Variants in CENPH observed in about 807,000 individuals in gnomAD.
CENPH encodes the protein centromere protein H, also known as CENP-H.
In CENPH, 40 loss-of-function variants were observed where a neutral mutation model predicts 42.9. That is an observed-to-expected ratio of 0.93 (90% CI 0.72 to 1.21). The LOEUF (loss-of-function observed/expected upper bound fraction) is 1.21. Ranked by LOEUF, CENPH falls within the 50% of genes most tolerant of loss-of-function variation. The pLI is 0.00. For missense variants in CENPH, 302 were observed against 292.9 expected, an observed-to-expected ratio of 1.03 and a Z score of -0.23; for synonymous variants, 88 against 96.5, an observed-to-expected ratio of 0.91 and a Z score of 0.52.
At chr5:69,192,914 T>A (rs1747899621) in intron 2 of CENPH, among the ~76,000 whole-genome samples, 1 of 151,978 alleles carries the variant, frequency 6.6e-6, no homozygotes, top group African/African-American at 2.4e-5. Context: ...CTGACCAACG[T>A]AGAGAAACCC....
At chr5:69,208,407 T>C in intron 8 of CENPH, 48 bp downstream of exon 8, 2 of 1,259,006 alleles carry the variant, frequency 1.6e-6, no homozygotes, top group South Asian at 2.7e-5. Context: ...TTGCCCAGGC[T>C]GGAGTGAAGT....
In CENPH at chr5:69,202,381, T is replaced by G. The variant is rs73772322; in HGVS notation, c.372-125T>G. On this transcript the variant is annotated intron_variant, in intron 5 of 8. Coordinates refer to ENST00000283006, the MANE Select transcript of CENPH (RefSeq NM_022909.4). ...TTTATTTTGTTAAACTGACTTTTTATCCAAGTGTACGGTGGATTTAATGAA... is the reference window on the plus strand; with the variant it reads ...TTTATTTTGTTAAACTGACTTTTTAGCCAAGTGTACGGTGGATTTAATGAA... 7,081 of 565,240 alleles carry G rather than the reference T, an allele frequency of 0.013. 443 individuals carry two copies. In the African/African-American group the frequency reaches 0.13, roughly 10 times the overall value. 35.0% of individuals were successfully genotyped at this position (565,240 alleles called of 1,614,324 possible).
chr5:69,200,855 G>T (rs557627343), intron 5 of CENPH, among the ~76,000 whole-genome samples: 1 of 147,046 alleles, frequency 6.8e-6, no homozygotes, highest in African/African-American at 2.5e-5. Context: ...CTCCTGCCTC[G>T]GCCTCCTGAG....
chr5:69,208,650 C>T (rs1287642322), intron 8 of CENPH, among the ~76,000 whole-genome samples: 2 of 152,068 alleles, frequency 1.3e-5, no homozygotes, highest in Non-Finnish European at 2.9e-5. Context: ...TGAGCCACTG[C>T]GCCTGGCCAA....
intron 5 of CENPH, among the ~76,000 whole-genome samples, chr5:69,198,481 G>A (rs1363179493): frequency 1.3e-5 from 2 of 152,006 alleles, no homozygotes; most frequent in African/African-American, 4.8e-5. Flanking sequence ...GTAGAGACGG[G>A]GTTTCACTAT....
chr5:69,203,040 T>C, intron 7 of CENPH, 70 bp downstream of exon 7: 1 of 1,016,628 alleles, frequency 9.8e-7, no homozygotes, highest in Non-Finnish European at 1.5e-6. Context: ...GCCAGATCTC[T>C]TAGCCACTGA....
At position 69,189,765 on chromosome 5, in the gene CENPH, T is replaced by G. The variant is rs1025224684; in HGVS notation, c.131T>G (p.Leu44Arg). The change falls in exon 1 of 9, where the codon CTC becomes CGC. Residue 44 changes from leucine (L) to arginine (R), a missense_variant. Transcript: ENST00000283006. ...AGCGAGGACCGCATGACCCTGCTCC[T>G]CAGGTTGTTCCCTTTGGCCTCCTCA... Reference protein sequence around the residue: ...ACSEDRMTLLLRLRAQTKQQL... With the variant: ...ACSEDRMTLLRRLRAQTKQQL... 6.7e-7 allele frequency: 1 copy of G among 1,495,910 alleles called. No homozygotes were observed. The highest frequency in any genetic ancestry group is 8.9e-7 in the Non-Finnish European group (1 of 1,126,498). 92.7% of individuals were successfully genotyped at this position (1,495,910 alleles called of 1,614,324 possible). A position where few individuals can be genotyped will look rare whatever the true frequency, so the allele number is the denominator to read the frequency against.
chr5:69,204,625 A>T (rs1304833715), intron 7 of CENPH, among the ~76,000 whole-genome samples: 15 of 25,986 alleles, frequency 5.8e-4, no homozygotes, highest in South Asian at 4.7e-3. Context: ...TTTTTTTGTG[A>T]GATGCTGTCT....
intron 5 of CENPH, among the ~76,000 whole-genome samples, chr5:69,198,265 C>T (rs2112086929): frequency 6.6e-6 from 1 of 151,956 alleles, no homozygotes; most frequent in South Asian, 2.1e-4. Flanking sequence ...ATAAAATATC[C>T]CCTTCCCTTG....
At position 69,189,703 on chromosome 5, in the gene CENPH, C is replaced by G. The variant is rs572066418; in HGVS notation, c.69C>G (p.Gly23=). Residue 23 remains glycine, a synonymous_variant, in exon 1 of 9, where the codon GGC becomes GGG. Coordinates refer to ENST00000283006, the MANE Select transcript of CENPH (RefSeq NM_022909.4). ...PADSGGEGRA[G]GPPQVAGAQA... ...ACTCCGGAGGGGAAGGCCGGGCAGG[C>G]GGGCCACCGCAGGTCGCCGGCGCCC... 1 of 1,575,062 alleles carries G rather than the reference C, an allele frequency of 6.3e-7. No individual in the cohort carries two copies. The highest frequency in any genetic ancestry group is 1.1e-5 in the South Asian group (1 of 87,146).
intron 7 of CENPH, among the ~76,000 whole-genome samples, chr5:69,203,539 G>A (rs531853009): frequency 1.3e-5 from 2 of 151,904 alleles, no homozygotes; most frequent in African/African-American, 2.4e-5. Flanking sequence ...GCTAGTTTTC[G>A]TATTTTTTTA....
At chr5:69,191,664 A>T in intron 1 of CENPH, 131 bp from the exon 2 acceptor site, 1 of 599,534 alleles carries the variant, frequency 1.7e-6, no homozygotes, top group Non-Finnish European at 3.0e-6. Flanking sequence ...GTTTGTAATT[A>T]GGAGTTTAAT....
intron 4 of CENPH, among the ~76,000 whole-genome samples, chr5:69,196,629 A>G (rs1289869357): frequency 6.6e-6 from 1 of 152,198 alleles, no homozygotes; most frequent in Admixed American, 6.5e-5. Flanking sequence ...TGTGGGTGAC[A>G]GAGCAAGATT....
intron 5 of CENPH, among the ~76,000 whole-genome samples, chr5:69,202,124 G>C (rs1250054441): frequency 1.3e-5 from 2 of 152,074 alleles, no homozygotes; most frequent in Admixed American, 1.3e-4. Context: ...TGTTAAAATT[G>C]CTCTAAAAAA....
chr5:69,206,796 G>C (rs1260286321), intron 7 of CENPH, among the ~76,000 whole-genome samples: 1 of 152,158 alleles, frequency 6.6e-6, no homozygotes, highest in Admixed American at 6.6e-5. Context: ...ACCCTGCTCA[G>C]ATTTGTCATT....
chr5:69,200,850 G>T (rs1748049059), intron 5 of CENPH, among the ~76,000 whole-genome samples: 1 of 145,026 alleles, frequency 6.9e-6, no homozygotes. Flanking sequence ...CGATTCTCCT[G>T]CCTCGGCCTC....
At chr5:69,203,185 T>G (rs1043184126) in intron 7 of CENPH, among the ~76,000 whole-genome samples, 1 of 152,194 alleles carries the variant, frequency 6.6e-6, no homozygotes, top group African/African-American at 2.4e-5. Flanking sequence ...GTTTGCTTTT[T>G]CTGAGACAGT....
intron 2 of CENPH, among the ~76,000 whole-genome samples, chr5:69,193,578 C>T (rs138750096): frequency 7.0e-4 from 107 of 152,070 alleles, no homozygotes; most frequent in African/African-American, 2.5e-3. Context: ...GATCACACCA[C>T]TACACTACAG....
At chr5:69,198,915 A>G (rs1375290996) in intron 5 of CENPH, among the ~76,000 whole-genome samples, 3 of 151,086 alleles carry the variant, frequency 2.0e-5, no homozygotes, top group Admixed American at 6.7e-5. Flanking sequence ...ACAGCACCTT[A>G]GCCTGGGCAA....
Sources: gnomAD v4.1 joint callset for allele counts (sites outside exome capture counted in the v4.1 genomes callset) on GRCh38, gnomAD v4.1.1 for gene constraint, MANE v1.5 for transcripts, NCBI Gene and HGNC (gene_info 2026-07-23, HGNC 2026-07-21) for gene names.